The following UGT2B7 variants were observed in gnomAD, a reference collection of about 807,000 sequenced individuals.
UGT2B7 encodes the protein UDP glucuronosyltransferase family 2 member B7.
UGT2B7 carries 51 observed loss-of-function variants against 51.9 expected under a neutral mutation model. The ratio of observed to expected loss-of-function variants is 0.98; its 90% CI spans 0.78 to 1.24. The LOEUF is 1.24. UGT2B7 is among the 50% of genes most tolerant of loss of function. The pLI is 0.00. For missense variants in UGT2B7, 727 were observed against 628.4 expected (o/e 1.16, Z -1.68); for synonymous variants, 225 against 211.6 (o/e 1.06, Z -0.55).
At chr4:69,086,488 G>A (rs1343216951) in intron 1 of UGT2B7, among the ~76,000 whole-genome samples, 2 of 151,862 alleles carry the variant, frequency 1.3e-5, no homozygotes, top group East Asian at 1.9e-4. Context: ...TCCGTGTTAG[G>A]TTTATCTTAC....
intron 1 of UGT2B7, among the ~76,000 whole-genome samples, chr4:69,086,781 ACT>A (rs1718969777): frequency 6.6e-6 from 1 of 151,888 alleles, no homozygotes; most frequent in African/African-American, 2.4e-5. Context: ...TATAGCTACT[ACT>A]GTATTTTTTT....
chr4:69,094,306 A>AT (rs1376854027), upstream of UGT2B7, among the ~76,000 whole-genome samples: 21 of 82,198 alleles, frequency 2.6e-4, no homozygotes, highest in South Asian at 4.6e-4. Context: ...CGCCCGGCTA[A>AT]TTTTTTGTAT....
chr4:69,104,969 G>A (rs1719549123), intron 3 of UGT2B7, among the ~76,000 whole-genome samples: 1 of 152,094 alleles, frequency 6.6e-6, no homozygotes, highest in African/African-American at 2.4e-5. Context: ...AACAGCCTAG[G>A]CGGACAGACA....
intron 1 of UGT2B7, among the ~76,000 whole-genome samples, chr4:69,066,149 C>T (rs138606873): frequency 6.5e-4 from 99 of 152,270 alleles, no homozygotes; most frequent in African/African-American, 2.2e-3. Context: ...TTCAATTTCA[C>T]TCATAGAACA....
intron 2 of UGT2B7, among the ~76,000 whole-genome samples, chr4:69,090,498 G>A (rs974056948): frequency 8.6e-5 from 13 of 151,454 alleles, no homozygotes; most frequent in African/African-American, 1.5e-4. Context: ...ATAAAATCAA[G>A]GAGCAAAGGA....
At chr4:69,052,407 G>A (rs1236822002) in intron 1 of UGT2B7, among the ~76,000 whole-genome samples, 1 of 151,946 alleles carries the variant, frequency 6.6e-6, no homozygotes, top group Non-Finnish European at 1.5e-5. Flanking sequence ...AATAGCAAAG[G>A]ATAATTGAAA....
At chr4:69,100,645 A>G (rs553459384) in intron 2 of UGT2B7, among the ~76,000 whole-genome samples, 2 of 152,168 alleles carry the variant, frequency 1.3e-5, no homozygotes, top group East Asian at 3.9e-4. Context: ...TGATAGTGTC[A>G]GTAGGAGGGG....
chr4:69,062,206 T>C (rs1235488487), intron 1 of UGT2B7, among the ~76,000 whole-genome samples: 1 of 152,144 alleles, frequency 6.6e-6, no homozygotes, highest in East Asian at 1.9e-4. Flanking sequence ...TTGCCCATGG[T>C]CTTTCTCCAA....
chr4:69,095,757 C>A (rs1470137304), upstream of UGT2B7, among the ~76,000 whole-genome samples: 1 of 152,094 alleles, frequency 6.6e-6, no homozygotes. Flanking sequence ...CAATATCTTA[C>A]ATGATGGTTG....
intron 1 of UGT2B7, among the ~76,000 whole-genome samples, chr4:69,078,802 G>A (rs1164723438): frequency 6.6e-6 from 1 of 152,080 alleles, no homozygotes; most frequent in Non-Finnish European, 1.5e-5. Flanking sequence ...TGGAAGGTGG[G>A]GACAAGTGAA....
rs140232289 is a variant in UGT2B7, at chr4:69,059,487, A to G, written c.-159+7885A>G. ...AGGCTATGATGTTAACCCGTACTGT[A>G]CCATAGGCTGAAGAATAGAGGCTAT... On this transcript the variant is annotated intron_variant, in intron 1 of 5. Coordinates refer to the UGT2B7 transcript ENST00000502942. Among the ~76,000 whole-genome samples, 372 of 152,310 alleles carry G rather than the reference A, an allele frequency of 2.4e-3. 2 individuals are homozygous for G. The highest frequency in any genetic ancestry group is 8.6e-3 in the African/African-American group (357 of 41,580).
chr4:69,087,285 G>A (rs1718983267), intron 1 of UGT2B7, among the ~76,000 whole-genome samples: 1 of 151,894 alleles, frequency 6.6e-6, no homozygotes, highest in African/African-American at 2.4e-5. Context: ...TAAAACTGGT[G>A]ACAACTTTGA....
intron 1 of UGT2B7, among the ~76,000 whole-genome samples, chr4:69,054,227 A>G (rs1455117433): frequency 2.0e-5 from 3 of 151,998 alleles, no homozygotes; most frequent in African/African-American, 7.2e-5. Flanking sequence ...AGAAAAGAAA[A>G]AAATGGCAGT....
rs138397731 is a variant in UGT2B7 at position 69,059,484 on chromosome 4, T to C, written c.-159+7882T>C. On this transcript the variant is annotated intron_variant, in intron 1 of 5. Coordinates refer to the UGT2B7 transcript ENST00000502942. ...CGGAGGCTATGATGTTAACCCGTAC[T>C]GTACCATAGGCTGAAGAATAGAGGC... Among the ~76,000 whole-genome samples, 128 of 152,336 alleles carry C rather than the reference T, an allele frequency of 8.4e-4. 1 individual carries two copies. Among genetic ancestry groups the C allele is most frequent in the African/African-American group, 3.0e-3 (126 of 41,574 alleles).
Position 69,096,480 on chromosome 4 carries a change from A to G in UGT2B7, c.-41A>G. 1 of 1,609,544 alleles carries G rather than the reference A, an allele frequency of 6.2e-7. No individual in the cohort carries two copies. Among genetic ancestry groups the G allele is most frequent in the Non-Finnish European group, 8.5e-7 (1 of 1,178,696 alleles). ...GGACATAACCATGAGAAATGACAGA[A>G]AGGAACAGCAACTGGAAAACAAGCA... On this transcript the variant is annotated 5_prime_UTR_variant, in exon 1 of 6. Coordinates refer to ENST00000305231, the MANE Select transcript of UGT2B7 (RefSeq NM_001074.4).
At chr4:69,067,776 T>C (rs1007201686) in intron 1 of UGT2B7, among the ~76,000 whole-genome samples, 4 of 152,136 alleles carry the variant, frequency 2.6e-5, no homozygotes, top group Admixed American at 6.6e-5. Context: ...TGTGTTGCAA[T>C]GTGTTTTTTT....
chr4:69,109,624 G>C (rs1719716622), intron 5 of UGT2B7, among the ~76,000 whole-genome samples: 1 of 151,932 alleles, frequency 6.6e-6, no homozygotes, highest in Non-Finnish European at 1.5e-5. Flanking sequence ...TATATTATGG[G>C]TCATGTCAGA....
Position 69,108,326 on chromosome 4 carries a change from A to T in UGT2B7, c.1310+4A>T, listed in dbSNP as rs754799236. 6.2e-7 allele frequency: 1 copy of T among 1,612,920 alleles called. No individual in the cohort carries two copies. Among genetic ancestry groups the T allele is most frequent in the African/African-American group, 1.3e-5 (1 of 74,880 alleles). Reference sequence around the variant, plus strand: ...AGAGAGTAATTAATGATCCTTCGTGAGTAGAACAATATTTTTCACTAGGTG... The same window carrying T: ...AGAGAGTAATTAATGATCCTTCGTGTGTAGAACAATATTTTTCACTAGGTG... On this transcript the variant is annotated splice_donor_region_variant and intron_variant, in intron 5 of 5. Transcript: ENST00000305231.
intron 2 of UGT2B7, among the ~76,000 whole-genome samples, chr4:69,100,784 C>A (rs1449550735): frequency 6.6e-6 from 1 of 152,004 alleles, no homozygotes; most frequent in Non-Finnish European, 1.5e-5. Flanking sequence ...TTGTGAAACC[C>A]GTTCTTCGTT....
Sources: allele counts gnomAD v4.1 joint callset (sites outside exome capture counted in the v4.1 genomes callset), GRCh38; gene constraint gnomAD v4.1.1; transcripts MANE v1.5; gene names NCBI Gene and HGNC (gene_info 2026-07-23, HGNC 2026-07-21).